CYB5A: variants seen among roughly 807,000 people sequenced by gnomAD.
CYB5A encodes the protein cytochrome b5.
In CYB5A, 10 loss-of-function variants were observed where a neutral mutation model predicts 16.2. The ratio of observed to expected loss-of-function variants is 0.62; its 90% CI spans 0.38 to 1.04. The LOEUF (loss-of-function observed/expected upper bound fraction) is 1.04. CYB5A is among the 50% of genes least tolerant of loss of function. CYB5A has a pLI of 0.01. For missense variants in CYB5A, 161 were observed against 165.9 expected, an observed-to-expected ratio of 0.97 and a Z score of 0.16; for synonymous variants, 62 against 57.0, an observed-to-expected ratio of 1.09 and a Z score of -0.40.
chr18:74,257,027 CAA>C (rs1446408765), intron 3 of CYB5A: 3 of 592,844 alleles, frequency 5.1e-6, no homozygotes, highest in African/African-American at 1.9e-5. Context: ...TAGAAATAAT[CAA>C]AATATACAAA....
At chr18:74,283,690 T>C (rs1449912449) in intron 1 of CYB5A, among the ~76,000 whole-genome samples, 1 of 152,200 alleles carries the variant, frequency 6.6e-6, no homozygotes, top group Non-Finnish European at 1.5e-5. Flanking sequence ...TCTGTATCAG[T>C]GGGATGCACT....
intron 3 of CYB5A, chr18:74,256,252 G>GA (rs2145037367): frequency 6.0e-6 from 1 of 167,402 alleles, no homozygotes; most frequent in East Asian, 1.8e-4. Context: ...GAACCAAAAA[G>GA]AAAAAAGAGG....
At chr18:74,275,874 T>C (rs926395794) in intron 1 of CYB5A, among the ~76,000 whole-genome samples, 1 of 152,120 alleles carries the variant, frequency 6.6e-6, no homozygotes, top group Non-Finnish European at 1.5e-5. Flanking sequence ...TTGAAGAACA[T>C]GCTGGAGGAG....
chr18:74,270,816 A>G (rs1206707079), intron 1 of CYB5A, among the ~76,000 whole-genome samples: 1 of 152,212 alleles, frequency 6.6e-6, no homozygotes, highest in Non-Finnish European at 1.5e-5. Flanking sequence ...GGGAGGTCCT[A>G]GAGGACTCCC....
At chr18:74,260,668 G>T (rs1460323512) in intron 3 of CYB5A, 1 of 570,560 alleles carries the variant, frequency 1.8e-6, no homozygotes, top group African/African-American at 1.9e-5. Flanking sequence ...GGTATATATT[G>T]ATAATTATGA....
chr18:74,285,333 C>T (rs970356964), intron 1 of CYB5A, among the ~76,000 whole-genome samples: 28 of 152,216 alleles, frequency 1.8e-4, no homozygotes, highest in African/African-American at 6.8e-4. Flanking sequence ...TTTTCTGATG[C>T]TTTGAGCCTT....
At chr18:74,271,509 C>T (rs1158894392) in intron 1 of CYB5A, among the ~76,000 whole-genome samples, 1 of 152,088 alleles carries the variant, frequency 6.6e-6, no homozygotes, top group Admixed American at 6.5e-5. Flanking sequence ...TAAAAATGTT[C>T]CCCAGATTAA....
chr18:74,275,048 C>T lies in CYB5A; in HGVS notation c.130-11571G>A, dbSNP rs376142578. Among the ~76,000 whole-genome samples the T allele has an allele frequency of 5.2e-4, 79 of 152,300 alleles. 1 individual carries two copies. The East Asian group carries it at 0.014, about 26-fold the overall frequency. On this transcript the variant is annotated intron_variant, in intron 1 of 4. Transcript: ENST00000340533. ...TTTTGACCATTTCTTGTACCCTCCTCAAAAACCTACGGTGGAGAATTTCTG... is the reference window on the plus strand; with the variant it reads ...TTTTGACCATTTCTTGTACCCTCCTTAAAAACCTACGGTGGAGAATTTCTG...
chr18:74,281,459 G>A (rs945383797), intron 1 of CYB5A, among the ~76,000 whole-genome samples: 2 of 152,190 alleles, frequency 1.3e-5, no homozygotes. Flanking sequence ...AGTGGGAAAA[G>A]GAGACAGGAG....
chr18:74,261,081 C>A (rs2145044361), intron 2 of CYB5A, 137 bp from the exon 3 acceptor site: 1 of 719,550 alleles, frequency 1.4e-6, no homozygotes, highest in East Asian at 2.8e-5. Flanking sequence ...CTATTAAACA[C>A]AAAGTTTGAT....
At chr18:74,269,936 T>C (rs1020772491) in intron 1 of CYB5A, among the ~76,000 whole-genome samples, 4 of 152,142 alleles carry the variant, frequency 2.6e-5, no homozygotes, top group Admixed American at 6.5e-5. Flanking sequence ...GTGGCAGTAA[T>C]GGTGATGCAG....
intron 3 of CYB5A, chr18:74,260,005 A>G (rs929787931): frequency 6.6e-6 from 1 of 152,150 alleles, no homozygotes; most frequent in East Asian, 1.9e-4. Flanking sequence ...ACTATCAGGG[A>G]TGTTGAGGTA....
intron 1 of CYB5A, among the ~76,000 whole-genome samples, chr18:74,273,962 C>T (rs996942050): frequency 1.3e-5 from 2 of 152,230 alleles, no homozygotes; most frequent in African/African-American, 4.8e-5. Flanking sequence ...GGACTGTTCA[C>T]ATGGCACAGC....
intron 3 of CYB5A, chr18:74,260,635 C>A: frequency 1.0e-5 from 5 of 480,138 alleles, no homozygotes; most frequent in Non-Finnish European, 2.0e-5. Flanking sequence ...GCACGTGCTA[C>A]CATAAAAAGT....
At chr18:74,255,959 A>C (rs1981961541) in intron 3 of CYB5A, 184 bp from the exon 4 acceptor site, 1 of 588,932 alleles carries the variant, frequency 1.7e-6, no homozygotes, top group Non-Finnish European at 3.0e-6. Context: ...TTCCAGAGTA[A>C]AACATTTTAA....
Position 74,253,671 on chromosome 18 carries a change from A to C in CYB5A, c.324-6T>G. Reference sequence around the variant, plus strand: ...TCACCCAGTTGGTCCACCAACTAGAAAGACACAAAAAGCAATGATGCTGAC... The same window carrying C: ...TCACCCAGTTGGTCCACCAACTAGACAGACACAAAAAGCAATGATGCTGAC... On this transcript the variant is annotated splice_region_variant and splice_polypyrimidine_tract_variant and intron_variant, in intron 4 of 4. Coordinates refer to ENST00000340533, the MANE Select transcript of CYB5A (RefSeq NM_148923.4). The C allele has an allele frequency of 1.9e-6, 3 of 1,600,868 alleles. No individual in the cohort carries two copies. Among genetic ancestry groups the C allele is most frequent in the Non-Finnish European group, 2.6e-6 (3 of 1,168,376 alleles).
At chr18:74,283,503 C>T (rs2145081215) in intron 1 of CYB5A, among the ~76,000 whole-genome samples, 1 of 152,278 alleles carries the variant, frequency 6.6e-6, no homozygotes. Context: ...TCCTTCACCT[C>T]CTAGAAGGCA....
chr18:74,257,900 A>G (rs72980424), intron 3 of CYB5A: 2,769 of 152,376 alleles, frequency 0.018, 41 homozygotes, highest in Non-Finnish European at 0.03. Context: ...CCTGGGCAAC[A>G]GAGTGAGACC....
In CYB5A at chr18:74,291,742, C is replaced by T; in HGVS notation, c.129+5G>A. On this transcript the variant is annotated splice_donor_5th_base_variant and intron_variant, in intron 1 of 4. Coordinates refer to ENST00000340533, the MANE Select transcript of CYB5A (RefSeq NM_148923.4). ...TGCGCCCCAAGCCGCTCATCCCCAA[C>T]TCACCTCTTCCAGAAATTTGGTCAA... 1 of 1,613,820 alleles carries T rather than the reference C, an allele frequency of 6.2e-7. No homozygotes were observed. Among genetic ancestry groups the T allele is most frequent in the Non-Finnish European group, 8.5e-7 (1 of 1,179,786 alleles).
Sources: allele counts gnomAD v4.1 joint callset (sites outside exome capture counted in the v4.1 genomes callset), GRCh38; gene constraint gnomAD v4.1.1; transcripts MANE v1.5; gene names NCBI Gene and HGNC (gene_info 2026-07-23, HGNC 2026-07-21).